Variants in PDZRN4 observed in about 807,000 individuals in gnomAD.
PDZRN4 encodes the protein PDZ domain-containing RING finger protein 4.
PDZRN4 carries 70 observed loss-of-function variants against 99.0 expected under a neutral mutation model. The observed-to-expected ratio is 0.71, with a 90% CI of 0.58 to 0.86. The LOEUF is 0.86. Ranked by LOEUF, PDZRN4 falls within the 40% of genes least tolerant of loss-of-function variation. The pLI, the probability that PDZRN4 is intolerant of heterozygous loss-of-function variation, is 0.00. For missense variants in PDZRN4, 1,474 were observed against 1,331.2 expected (o/e 1.11, Z -1.67); for synonymous variants, 551 against 501.6 (o/e 1.10, Z -1.32).
chr12:41,349,578 T>C (rs551143880), intron 3 of PDZRN4, among the ~76,000 whole-genome samples: 1 of 152,106 alleles, frequency 6.6e-6, no homozygotes, highest in Non-Finnish European at 1.5e-5. Flanking sequence ...TATTTGCCCT[T>C]GCATTTCTAC....
chr12:41,262,145 C>T (rs905873813), intron 3 of PDZRN4, among the ~76,000 whole-genome samples: 4 of 152,212 alleles, frequency 2.6e-5, no homozygotes, highest in Non-Finnish European at 2.9e-5. Context: ...CCTAAATTAG[C>T]GTCTTCTCCA....
chr12:41,511,308 C>A (rs1030684887), intron 5 of PDZRN4, among the ~76,000 whole-genome samples: 32 of 151,924 alleles, frequency 2.1e-4, no homozygotes, highest in African/African-American at 7.7e-4. Context: ...ACAATACAGA[C>A]AGATTTCCTT....
At chr12:41,552,183 A>G (rs1378999941) in intron 5 of PDZRN4, among the ~76,000 whole-genome samples, 3 of 152,144 alleles carry the variant, frequency 2.0e-5, no homozygotes, top group Non-Finnish European at 4.4e-5. Flanking sequence ...ACTTCAGAGC[A>G]GAATTGATGG....
chr12:41,533,263 C>A (rs1227343256), intron 5 of PDZRN4, among the ~76,000 whole-genome samples: 3 of 152,052 alleles, frequency 2.0e-5, no homozygotes, highest in Admixed American at 1.3e-4. Context: ...CAACCTCCCC[C>A]TCCCGGATTC....
intron 3 of PDZRN4, among the ~76,000 whole-genome samples, chr12:41,343,796 G>T (rs1207123789): frequency 2.6e-5 from 4 of 151,698 alleles, no homozygotes; most frequent in Non-Finnish European, 5.9e-5. Context: ...TAAGTACCCT[G>T]ATTTGATCAT....
intron 3 of PDZRN4, among the ~76,000 whole-genome samples, chr12:41,448,729 A>G (rs1551596): frequency 0.51 from 77,391 of 151,902 alleles, 20,197 homozygotes; most frequent in African/African-American, 0.64. Context: ...TGATTTCGAA[A>G]ATGCCACCTA....
At chr12:41,538,497 T>C (rs1269240419) in intron 5 of PDZRN4, among the ~76,000 whole-genome samples, 1 of 152,154 alleles carries the variant, frequency 6.6e-6, no homozygotes, top group Non-Finnish European at 1.5e-5. Flanking sequence ...ATGATCCATG[T>C]TTTTGCATGT....
intron 3 of PDZRN4, among the ~76,000 whole-genome samples, chr12:41,455,562 A>G (rs1952811120): frequency 6.6e-6 from 1 of 152,186 alleles, no homozygotes; most frequent in Non-Finnish European, 1.5e-5. Context: ...TAATAAAATA[A>G]CAATATTAAT....
intron 5 of PDZRN4, among the ~76,000 whole-genome samples, chr12:41,520,716 T>C (rs1938480652): frequency 2.6e-5 from 4 of 151,736 alleles, no homozygotes. Context: ...AGTGTGTTGA[T>C]GGAGCAAATA....
intron 5 of PDZRN4, among the ~76,000 whole-genome samples, chr12:41,516,473 A>C (rs374848734): frequency 1.6e-4 from 24 of 152,238 alleles, no homozygotes; most frequent in African/African-American, 4.8e-4. Context: ...AACAATTTGA[A>C]ATAAAGTAAG....
At chr12:41,382,461 C>T (rs760360272) in intron 3 of PDZRN4, among the ~76,000 whole-genome samples, 3 of 152,186 alleles carry the variant, frequency 2.0e-5, no homozygotes, top group Non-Finnish European at 4.4e-5. Context: ...CATTCATCCC[C>T]TCATTGGTTG....
chr12:41,255,686 A>G (rs1951200872), intron 3 of PDZRN4, among the ~76,000 whole-genome samples: 1 of 152,192 alleles, frequency 6.6e-6, no homozygotes, highest in African/African-American at 2.4e-5. Context: ...AAGAGGTTTA[A>G]TTGGCTCATG....
chr12:41,260,056 G>A lies in PDZRN4; in HGVS notation c.843+65868G>A, dbSNP rs1951227201. 2.6e-5 allele frequency among the ~76,000 whole-genome samples: 4 copies of A among 152,050 alleles called. No individual in the cohort carries two copies. In the South Asian group the frequency reaches 8.3e-4, roughly 32 times the overall value. On this transcript the variant is annotated intron_variant, in intron 3 of 9. Transcript: ENST00000402685. ...TGGAAGCAATCTTTGGAATTGTTTT[G>A]TATTAGGTTAATGAAAATAATCTAA...
intron 3 of PDZRN4, among the ~76,000 whole-genome samples, chr12:41,212,567 A>T (rs1481299246): frequency 6.6e-6 from 1 of 151,988 alleles, no homozygotes; most frequent in African/African-American, 2.4e-5. Flanking sequence ...TCACTTAATA[A>T]ATGTTTGCCT....
At chr12:41,270,326 C>CTGTGTG (rs60482879) in intron 3 of PDZRN4, among the ~76,000 whole-genome samples, 3 of 138,382 alleles carry the variant, frequency 2.2e-5, no homozygotes, top group East Asian at 4.3e-4. Context: ...GTGTGTGTGT[C>CTGTGTG]TGTGTGTGTG....
At chr12:41,200,644 A>G (rs1469423482) in intron 3 of PDZRN4, among the ~76,000 whole-genome samples, 1 of 152,042 alleles carries the variant, frequency 6.6e-6, no homozygotes, top group Non-Finnish European at 1.5e-5. Context: ...TGCTATAAAA[A>G]TCTCATCGGA....
At chr12:41,300,771 T>C (rs1951530640) in intron 3 of PDZRN4, among the ~76,000 whole-genome samples, 2 of 151,996 alleles carry the variant, frequency 1.3e-5, no homozygotes, top group Admixed American at 1.3e-4. Flanking sequence ...AGTTTTACAA[T>C]ATAACTTTGT....
chr12:41,206,592 C>T (rs1950852714), intron 3 of PDZRN4, among the ~76,000 whole-genome samples: 1 of 151,446 alleles, frequency 6.6e-6, no homozygotes, highest in Admixed American at 6.6e-5. Flanking sequence ...CTGCCTTTTG[C>T]TGTGCCTTCA....
chr12:41,474,699 G>A (rs141223354), intron 3 of PDZRN4, among the ~76,000 whole-genome samples: 229 of 152,268 alleles, frequency 1.5e-3, no homozygotes, highest in African/African-American at 5.3e-3. Flanking sequence ...GTCGGGTGGA[G>A]GATTATGGCT....
Sources: allele counts gnomAD v4.1 joint callset (sites outside exome capture counted in the v4.1 genomes callset), GRCh38; gene constraint gnomAD v4.1.1; transcripts MANE v1.5; gene names NCBI Gene and HGNC (gene_info 2026-07-23, HGNC 2026-07-21).